The following ABCA8 variants were observed in gnomAD, a reference collection of about 807,000 sequenced individuals.
ABCA8 encodes ATP binding cassette subfamily A member 8, also known as ABC-type organic anion transporter ABCA8.
A neutral mutation model predicts 192.3 loss-of-function variants in ABCA8; 177 were observed. The observed-to-expected ratio is 0.92, with a 90% CI of 0.81 to 1.04. The LOEUF (loss-of-function observed/expected upper bound fraction) is 1.04. Ranked by LOEUF, ABCA8 falls within the 50% of genes least tolerant of loss-of-function variation. The pLI, the probability that ABCA8 is intolerant of heterozygous loss-of-function variation, is 0.00. For synonymous variants in ABCA8, 642 were observed against 690.2 expected, an observed-to-expected ratio of 0.93 and a Z score of 1.09; for missense variants, 1,915 against 1,904.8, an observed-to-expected ratio of 1.01 and a Z score of -0.10.
chr17:68,953,199 T>C (rs2068617192), intron 1 of ABCA8, among the ~76,000 whole-genome samples: 1 of 152,158 alleles, frequency 6.6e-6, no homozygotes, highest in African/African-American at 2.4e-5. Flanking sequence ...GGGAAGCATG[T>C]GAAGGACATG....
At chr17:68,933,432 T>C (rs950437817) in intron 5 of ABCA8, among the ~76,000 whole-genome samples, 161 bp from the exon 6 acceptor site, 4 of 152,184 alleles carry the variant, frequency 2.6e-5, no homozygotes, top group Admixed American at 1.3e-4. Context: ...ATTATAACAA[T>C]GATTCTCAAA....
rs1273235420 is a variant in ABCA8, at chr17:68,876,671, A to C, written c.4232T>G (p.Leu1411Arg). 2 of 1,614,170 alleles carry C rather than the reference A, an allele frequency of 1.2e-6. No homozygotes were observed. The highest frequency in any genetic ancestry group is 1.7e-6 in the Non-Finnish European group (2 of 1,180,020). ...TGACAAGGTCTTCACGGGAGACTTCAGCTGGTCCTGCAGCTTGAGCGCATC... is the reference window on the plus strand; with the variant it reads ...TGACAAGGTCTTCACGGGAGACTTCCGCTGGTCCTGCAGCTTGAGCGCATC... ...LVDALKLQDQ[L>R]KSPVKTLSEG... is the part of the protein sequence containing the mutation. Residue 1411 changes from leucine to arginine, a missense_variant, in exon 34 of 40, where the codon CTG becomes CGG. Leu to Arg is a moderately radical substitution (Grantham distance 102). Coordinates refer to ENST00000586539, the MANE Select transcript of ABCA8 (RefSeq NM_001288985.2).
rs528042812 is a variant in ABCA8 at position 68,928,594 on chromosome 17, T to C, written c.1125+455A>G. 7.5e-4 allele frequency among the ~76,000 whole-genome samples: 114 copies of C among 152,318 alleles called. No individual in the cohort carries two copies. In the Middle Eastern group the frequency reaches 0.017, roughly 23 times the overall value. On this transcript the variant is annotated intron_variant, in intron 9 of 39. Transcript: ENST00000586539. The stretch of plus-strand genomic sequence containing the variant: ...TTAGTTAGAGGGAAGGCAAGGGGAA[T>C]TCAATAAGAATCACATAAACAGAAA...
rs76130103 is a variant in ABCA8, at chr17:68,952,944, A to G, written c.-167+2275T>C. Among the ~76,000 whole-genome samples the G allele has an allele frequency of 7.2e-4, 110 of 152,276 alleles. 1 individual carries two copies. Among genetic ancestry groups the G allele is most frequent in the African/African-American group, 2.6e-3 (106 of 41,534 alleles). On this transcript the variant is annotated intron_variant, in intron 1 of 39. Transcript: ENST00000586539. ...TGATTTTGTAGGGGAATTTATACAT[A>G]CAGTTTATTGCAGCAGGCACATAAA...
intron 2 of ABCA8, among the ~76,000 whole-genome samples, chr17:68,942,451 T>G (rs2068259113): frequency 1.3e-5 from 2 of 152,336 alleles, no homozygotes; most frequent in South Asian, 4.1e-4. Context: ...GCTGAGTTGC[T>G]ATAGAATGTA....
At chr17:68,875,199 A>C (rs748140136) in intron 37 of ABCA8, 61 bp downstream of exon 37, 1 of 1,602,912 alleles carries the variant, frequency 6.2e-7, no homozygotes, top group Non-Finnish European at 8.5e-7. Context: ...CTATCACTCA[A>C]CATAACTGAC....
chr17:68,880,620 C>A (rs2066313255), intron 32 of ABCA8, among the ~76,000 whole-genome samples: 1 of 152,152 alleles, frequency 6.6e-6, no homozygotes, highest in Non-Finnish European at 1.5e-5. Flanking sequence ...TTTTTGGTGC[C>A]TGCAGTGGAA....
intron 13 of ABCA8, chr17:68,920,060 T>A (rs2067492680): frequency 6.6e-6 from 1 of 152,132 alleles, no homozygotes; most frequent in Admixed American, 6.6e-5. Flanking sequence ...CCGTGGAATA[T>A]TATGCAGCTA....
intron 19 of ABCA8, among the ~76,000 whole-genome samples, chr17:68,904,663 C>T (rs36059695): frequency 0.019 from 2,926 of 152,266 alleles, 48 homozygotes; most frequent in Non-Finnish European, 0.032. Context: ...AGTCACAAAA[C>T]GAGTTTACAG....
chr17:68,932,584 A>G lies in ABCA8; in HGVS notation c.571-70T>C, dbSNP rs2067933826. ...GCATGCAGTTTTCTTTTAACCATCT[A>G]TTTTCTTGTGGATGTATGATTGGCC... On this transcript the variant is annotated intron_variant, in intron 6 of 39. Coordinates refer to ENST00000586539, the MANE Select transcript of ABCA8 (RefSeq NM_001288985.2). 2.6e-6 allele frequency: 3 copies of G among 1,150,598 alleles called. No individual in the cohort carries two copies. The African/African-American group carries it at 4.6e-5, about 18-fold the overall frequency. 71.3% of individuals were successfully genotyped at this position (1,150,598 alleles called of 1,614,324 possible). A position where few individuals can be genotyped will look rare whatever the true frequency, so the allele number is the denominator to read the frequency against.
intron 11 of ABCA8, among the ~76,000 whole-genome samples, 192 bp from the exon 12 acceptor site, chr17:68,922,492 T>C (rs1283112199): frequency 6.6e-6 from 1 of 151,952 alleles, no homozygotes; most frequent in Non-Finnish European, 1.5e-5. Flanking sequence ...ATTGGCGTCA[T>C]GTGAGGAGTT....
chr17:68,910,634 C>T (rs960203292), intron 17 of ABCA8, among the ~76,000 whole-genome samples: 16 of 152,292 alleles, frequency 1.1e-4, no homozygotes, highest in African/African-American at 3.8e-4. Flanking sequence ...GTTTCACCCC[C>T]TCCCCCAACA....
At chr17:68,883,756 T>C in intron 29 of ABCA8, 35 bp downstream of exon 29, 1 of 1,332,218 alleles carries the variant, frequency 7.5e-7, no homozygotes, top group Non-Finnish European at 1.1e-6. Context: ...ACGATATTGA[T>C]CAACAAAATA....
chr17:68,926,356 G>A (rs1387317510), intron 10 of ABCA8, among the ~76,000 whole-genome samples: 3 of 151,968 alleles, frequency 2.0e-5, no homozygotes, highest in African/African-American at 7.2e-5. Context: ...ATAAGTAGAA[G>A]GAGAAAAGGA....
intron 7 of ABCA8, 51 bp downstream of exon 7, chr17:68,932,237 C>T (rs746711219): frequency 2.1e-6 from 3 of 1,414,902 alleles, no homozygotes; most frequent in Non-Finnish European, 2.9e-6. Flanking sequence ...TTGAAGATTC[C>T]CAGTTTTCCT....
chr17:68,872,761 G>A (rs963434039), intron 37 of ABCA8, among the ~76,000 whole-genome samples: 2 of 151,960 alleles, frequency 1.3e-5, no homozygotes, highest in Non-Finnish European at 2.9e-5. Flanking sequence ...TAATGTGTGT[G>A]TGTTTGTGTC....
Position 68,894,034 on chromosome 17 carries a change from A to G in ABCA8, c.3036+139T>C, listed in dbSNP as rs751708437. ...GAAAACGTATTGATTTTCCAAAGTC[A>G]CAGAACTAGAATGAGTCCAAATGTT... is the stretch of plus-strand genomic sequence containing the variant. On this transcript the variant is annotated intron_variant, in intron 23 of 39. Transcript: ENST00000586539. 6.5e-6 allele frequency: 6 copies of G among 927,364 alleles called. No individual in the cohort carries two copies. In the South Asian group the frequency reaches 8.9e-5, roughly 14 times the overall value. The allele number at this position is 927,364 out of a possible 1,614,324, so 57.4% of individuals were successfully genotyped here.
In ABCA8 at chr17:68,887,372, G is replaced by A. The variant is rs201100712; in HGVS notation, c.3279C>T (p.Phe1093=). ...FIYLMSYISN[F]EDMLLTIIHI... ...GAATTATTGTAAGTAGCATGTCTTC[G>A]AAGTTTGAAATGTAGCTCATTAAAT... Residue 1093 remains phenylalanine (F), a synonymous_variant, in exon 25 of 40, where the codon TTC becomes TTT. Transcript: ENST00000586539. 45 of 1,611,110 alleles carry A rather than the reference G, an allele frequency of 2.8e-5. No homozygotes were observed. In the East Asian group the frequency reaches 4.9e-4, roughly 18 times the overall value.
At position 68,907,674 on chromosome 17, in the gene ABCA8, G is replaced by T. The variant is rs1482431447; in HGVS notation, c.2278+66C>A. ...GACATTGATAAATGTTAGTTGTAATGATAATAATTATGATGATGATGACTA... is the reference window on the plus strand; with the variant it reads ...GACATTGATAAATGTTAGTTGTAATTATAATAATTATGATGATGATGACTA... On this transcript the variant is annotated intron_variant, in intron 18 of 39. Transcript: ENST00000586539. The T allele has an allele frequency of 4.4e-6, 6 of 1,358,018 alleles. No homozygotes were observed. In the Admixed American group the frequency reaches 1.6e-4, roughly 36 times the overall value. 84.1% of individuals were successfully genotyped at this position (1,358,018 alleles called of 1,614,324 possible).
Sources: gnomAD v4.1 joint callset for allele counts (sites outside exome capture counted in the v4.1 genomes callset) on GRCh38, gnomAD v4.1.1 for gene constraint, MANE v1.5 for transcripts, NCBI Gene and HGNC (gene_info 2026-07-23, HGNC 2026-07-21) for gene names.